STK10: variants seen among roughly 807,000 people sequenced by gnomAD.
STK10 encodes serine/threonine-protein kinase 10.
STK10 carries 78 observed loss-of-function variants against 113.8 expected under a neutral mutation model. The ratio of observed to expected loss-of-function variants is 0.69; its 90% confidence interval spans 0.57 to 0.83. The LOEUF is 0.83. STK10 is among the 40% of genes least tolerant of loss of function. The pLI, the probability that STK10 is intolerant of heterozygous loss-of-function variation, is 0.00. For missense variants in STK10, 1,109 were observed against 1,280.1 expected, an observed-to-expected ratio of 0.87 and a Z score of 2.04; for synonymous variants, 465 against 494.7, an observed-to-expected ratio of 0.94 and a Z score of 0.80.
intron 10 of STK10, among the ~76,000 whole-genome samples, chr5:172,087,560 C>G (rs1768595380): frequency 6.6e-6 from 1 of 151,788 alleles, no homozygotes; most frequent in African/African-American, 2.4e-5. Context: ...CAGGTGTGAG[C>G]CACTACACCT....
intron 12 of STK10, among the ~76,000 whole-genome samples, chr5:172,076,120 T>C (rs1229817460): frequency 6.6e-6 from 1 of 151,786 alleles, no homozygotes; most frequent in Non-Finnish European, 1.5e-5. Context: ...ACCTTGAGGG[T>C]GGAGAGTTCT....
At chr5:172,170,642 A>G (rs1770650969) in intron 1 of STK10, among the ~76,000 whole-genome samples, 1 of 152,242 alleles carries the variant, frequency 6.6e-6, no homozygotes, top group South Asian at 2.1e-4. Flanking sequence ...AGCAAATAAA[A>G]TACGGAAACC....
Position 172,082,821 on chromosome 5 carries a change from C to G in STK10, c.1809+140G>C, listed in dbSNP as rs1768463415. The G allele has an allele frequency of 1.5e-6, 2 of 1,363,288 alleles. No homozygotes were observed. Among genetic ancestry groups the G allele is most frequent in the Admixed American group, 4.7e-5 (2 of 42,704 alleles). 84.4% of individuals were successfully genotyped at this position (1,363,288 alleles called of 1,614,324 possible). A position where few individuals can be genotyped will look rare whatever the true frequency, so the allele number is the denominator to read the frequency against. ...TCTGTGTTAACAAGTCACTGCCTAA[C>G]AAGATCGGGAAGCCCCCAGGAATTG... On this transcript the variant is annotated intron_variant, in intron 11 of 18. Coordinates refer to ENST00000176763, the MANE Select transcript of STK10 (RefSeq NM_005990.4). The surrounding 1 kb of genome is among the most constrained non-coding windows in gnomAD (Gnocchi z 4.3).
intron 18 of STK10, among the ~76,000 whole-genome samples, chr5:172,049,186 A>G (rs1306656115): frequency 6.6e-6 from 1 of 152,164 alleles, no homozygotes; most frequent in Non-Finnish European, 1.5e-5. Flanking sequence ...CAGTGTCTCT[A>G]GAGTCTGAAA....
intron 17 of STK10, chr5:172,053,338 G>A: frequency 2.9e-6 from 1 of 340,710 alleles, no homozygotes; most frequent in Non-Finnish European, 5.5e-6. Context: ...AAGCCAGGAA[G>A]GGAGCCCTCA....
At position 172,064,720 on chromosome 5, in the gene STK10, A is replaced by G; in HGVS notation, c.2082T>C (p.Leu694=). 6.2e-7 allele frequency: 1 copy of G among 1,614,034 alleles called. No individual in the cohort carries two copies. Among genetic ancestry groups the G allele is most frequent in the South Asian group, 1.1e-5 (1 of 91,078 alleles). ...MEEHTQKKQL[L]DRDFVAKQKE... ...TCCCCAGCTGAGGCCAGGGACTCAC[A>G]AGAAGCTGCTTTTTCTGCGTGTGCT... Residue 694 remains leucine (L), a splice_region_variant and synonymous_variant, in exon 13 of 19, where the codon CTT becomes CTC. Coordinates refer to ENST00000176763, the MANE Select transcript of STK10 (RefSeq NM_005990.4).
At chr5:172,143,075 G>T (rs534097383) in intron 2 of STK10, among the ~76,000 whole-genome samples, 2 of 152,352 alleles carry the variant, frequency 1.3e-5, no homozygotes, top group South Asian at 4.1e-4. Context: ...AGTAGGACCA[G>T]CAGGAATTGG....
intron 1 of STK10, among the ~76,000 whole-genome samples, chr5:172,180,201 C>T (rs1422894142): frequency 5.9e-5 from 9 of 152,262 alleles, no homozygotes; most frequent in Non-Finnish European, 1.2e-4. Flanking sequence ...TGGTGGCTCA[C>T]GCCTGTAATC....
At chr5:172,073,771 A>AC (rs59921505) in intron 12 of STK10, among the ~76,000 whole-genome samples, 27,026 of 133,026 alleles carry the variant, frequency 0.2, 3,536 homozygotes, top group African/African-American at 0.37. Context: ...ACATGGTGAA[A>AC]CCCCATCTCT....
Position 172,082,225 on chromosome 5 carries a change from A to C in STK10, c.1989+101T>G. On this transcript the variant is annotated intron_variant, in intron 12 of 18. Transcript: ENST00000176763. This position sits in a 1 kb window ranked among gnomAD's most constrained non-coding sequence, Gnocchi z 4.3. ...ACCTGCTCCCGAGCTCTTCAGCCGTACCCCTCTGCTGCCAAGGTGAGGTTG... is the reference window on the plus strand; with the variant it reads ...ACCTGCTCCCGAGCTCTTCAGCCGTCCCCCTCTGCTGCCAAGGTGAGGTTG... The C allele has an allele frequency of 1.2e-5, 16 of 1,337,528 alleles. No individual in the cohort carries two copies. Among genetic ancestry groups the C allele is most frequent in the South Asian group, 1.7e-5 (1 of 60,014 alleles). 82.9% of individuals were successfully genotyped at this position (1,337,528 alleles called of 1,614,324 possible). A position where few individuals can be genotyped will look rare whatever the true frequency, so the allele number is the denominator to read the frequency against.
chr5:172,076,646 A>G (rs996198028), intron 12 of STK10, among the ~76,000 whole-genome samples: 1 of 152,218 alleles, frequency 6.6e-6, no homozygotes, highest in Non-Finnish European at 1.5e-5. Context: ...CACGGAACAA[A>G]ATAGTCCCCG....
chr5:172,111,753 T>C (rs1769242500), intron 4 of STK10, among the ~76,000 whole-genome samples: 1 of 152,236 alleles, frequency 6.6e-6, no homozygotes, highest in Non-Finnish European at 1.5e-5. Context: ...AGAGATCATT[T>C]CTGCTGTGGC....
rs898788441 is a variant in STK10 at position 172,120,525 on chromosome 5, T to C, written c.371-2895A>G. 6.6e-6 allele frequency among the ~76,000 whole-genome samples: 1 copy of C among 152,172 alleles called. No homozygotes were observed. The highest frequency in any genetic ancestry group is 1.5e-5 in the Non-Finnish European group (1 of 68,018). ...CCAGGGGCCAGGATCAGAGCCTGCATGGGCTTCAGGACCACACAGACCGAG... is the reference window on the plus strand; with the variant it reads ...CCAGGGGCCAGGATCAGAGCCTGCACGGGCTTCAGGACCACACAGACCGAG... On this transcript the variant is annotated intron_variant, in intron 3 of 18. Coordinates refer to ENST00000176763, the MANE Select transcript of STK10 (RefSeq NM_005990.4). The surrounding 1 kb of genome is among the most constrained non-coding windows in gnomAD (Gnocchi z 4.0).
intron 2 of STK10, among the ~76,000 whole-genome samples, chr5:172,128,924 C>A (rs1186411029): frequency 1.3e-5 from 2 of 152,212 alleles, no homozygotes; most frequent in Non-Finnish European, 2.9e-5. Context: ...TTGTGGCTTA[C>A]CTTCCAGGAG....
chr5:172,076,947 G>A (rs1316623595), intron 12 of STK10, among the ~76,000 whole-genome samples: 5 of 152,322 alleles, frequency 3.3e-5, no homozygotes, highest in South Asian at 2.1e-4. Context: ...CCAAAAACAC[G>A]AAGAAACGTC....
intron 12 of STK10, among the ~76,000 whole-genome samples, chr5:172,071,238 A>AG (rs1768174326): frequency 1.4e-5 from 2 of 144,810 alleles, no homozygotes; most frequent in African/African-American, 5.1e-5. Flanking sequence ...AAAAAAAAAA[A>AG]AAAGAAATAG....
At chr5:172,165,361 T>C (rs1770550680) in intron 1 of STK10, among the ~76,000 whole-genome samples, 2 of 152,204 alleles carry the variant, frequency 1.3e-5, no homozygotes, top group African/African-American at 4.8e-5. Context: ...TCTGTGACAC[T>C]TGTCTCATCT....
intron 2 of STK10, among the ~76,000 whole-genome samples, chr5:172,129,792 C>T (rs1705633816): frequency 6.6e-6 from 1 of 152,170 alleles, no homozygotes; most frequent in Admixed American, 6.5e-5. Flanking sequence ...AGAAGCAAAA[C>T]TCAGTGACCA....
chr5:172,161,569 G>A (rs550112015), intron 1 of STK10, among the ~76,000 whole-genome samples: 2 of 152,286 alleles, frequency 1.3e-5, no homozygotes, highest in South Asian at 4.1e-4. Context: ...TAATTGAGCT[G>A]CAAAGTCCCC....
Sources: allele counts gnomAD v4.1 joint callset (sites outside exome capture counted in the v4.1 genomes callset), GRCh38; gene constraint gnomAD v4.1.1; non-coding constraint Gnocchi (gnomAD v3.1); transcripts MANE v1.5; gene names NCBI Gene and HGNC (gene_info 2026-07-23, HGNC 2026-07-21).